Variants in NEFM observed in about 807,000 individuals in gnomAD.
NEFM encodes the protein neurofilament medium chain.
A neutral mutation model predicts 48.1 loss-of-function variants in NEFM; 16 were observed. The ratio of observed to expected loss-of-function variants is 0.33; its 90% CI spans 0.23 to 0.51. NEFM has a LOEUF of 0.51. NEFM is among the 20% of genes least tolerant of loss of function. The probability of loss-of-function intolerance (pLI) is 0.98; values close to 1 mark genes in which losing one functional copy is unlikely to be tolerated. For synonymous variants in NEFM, 465 were observed against 456.9 expected (o/e 1.02, Z -0.23); for missense variants, 1,107 against 1,136.0 (o/e 0.97, Z 0.37).
chr8:24,915,246 A>C, intron 1 of NEFM: 1 of 1,270,012 alleles, frequency 7.9e-7, no homozygotes, highest in Non-Finnish European at 1.0e-6. Context: ...CAGTGATCGG[A>C]AGAGCTCTCA....
intron 1 of NEFM, chr8:24,915,335 G>T: frequency 7.8e-7 from 1 of 1,279,474 alleles, no homozygotes; most frequent in Non-Finnish European, 1.0e-6. Context: ...TTTGTGTCCT[G>T]TTGAGACGTG....
rs751327005 is a variant in NEFM, at chr8:24,914,337, A to T, written c.544A>T (p.Ile182Phe). 2.2e-5 allele frequency: 36 copies of T among 1,613,544 alleles called. No individual in the cohort carries two copies. The highest frequency in any genetic ancestry group is 5.1e-6 in the Non-Finnish European group (6 of 1,179,966). The change falls in exon 1 of 3, where the codon ATC becomes TTC. Residue 182 changes from isoleucine to phenylalanine, a missense_variant. Physicochemically the swap from Ile to Phe is conservative, Grantham distance 21. Transcript: ENST00000221166. ...QLDSDHLEED[I>F]HRLKERFEEE... Reference sequence around the variant, plus strand: ...GGACTCGGACCACCTGGAGGAAGACATCCACCGGCTCAAGGAGCGCTTTGA... The same window carrying T: ...GGACTCGGACCACCTGGAGGAAGACTTCCACCGGCTCAAGGAGCGCTTTGA...
Position 24,918,178 on chromosome 8 carries a change from G to A in NEFM, c.2323G>A (p.Glu775Lys). The change falls in exon 3 of 3, where the codon GAG becomes AAG. Residue 775 changes from glutamate (E) to lysine (K), a missense_variant. By Grantham distance (56) the Glu-to-Lys change is moderately conservative. Coordinates refer to ENST00000221166, the MANE Select transcript of NEFM (RefSeq NM_005382.2). ...GKPLQQEKEK[E>K]KAGGEGGSEE... ...GCCACTGCAGCAGGAGAAAGAGAAG[G>A]AGAAAGCGGGAGGAGAGGGAGGAAG... 2 of 1,552,070 alleles carry A rather than the reference G, an allele frequency of 1.3e-6. No homozygotes were observed. Among genetic ancestry groups the A allele is most frequent in the Non-Finnish European group, 8.7e-7 (1 of 1,147,292 alleles).
intron 1 of NEFM, 43 bp downstream of exon 1, chr8:24,914,916 G>A (rs1370561553): frequency 1.9e-6 from 3 of 1,541,368 alleles, no homozygotes; most frequent in Non-Finnish European, 2.6e-6. Context: ...CAGCGCCAGC[G>A]CCGCGCGCCC....
rs1394486997 is a variant in NEFM at position 24,918,941 on chromosome 8, T to TA, written c.*336dup. ...ACAGAACTCAGCCTTAAGAAAGCTA[T>TA]ATATGAATAATTATGTTTACCTCAC... is the stretch of plus-strand genomic sequence containing the variant. On this transcript the variant is annotated 3_prime_UTR_variant, in exon 3 of 3. Transcript: ENST00000221166. The TA allele has an allele frequency of 9.1e-6, 3 of 330,004 alleles. No individual in the cohort carries two copies. The highest frequency in any genetic ancestry group is 2.1e-5 in the African/African-American group (1 of 47,180). The allele number at this position is 330,004 out of a possible 1,614,324, so 20.4% of individuals were successfully genotyped here. A position where few individuals can be genotyped will look rare whatever the true frequency, so the allele number is the denominator to read the frequency against.
rs762275204 is a variant in NEFM, at chr8:24,914,105, G to T, written c.312G>T (p.Gln104His). The T allele has an allele frequency of 2.5e-6, 4 of 1,613,006 alleles. No homozygotes were observed. The highest frequency in any genetic ancestry group is 3.4e-6 in the Non-Finnish European group (4 of 1,179,976). Residue 104 changes from glutamine (Q) to histidine (H), a missense_variant, in exon 1 of 3, where the codon CAG (glutamine) becomes CAT (histidine). Gln to His is a conservative substitution (Grantham distance 24). Coordinates refer to ENST00000221166, the MANE Select transcript of NEFM (RefSeq NM_005382.2). ...TGTCCCGCTCCAACGAGAAGGAGCA[G>T]CTGCAGGGGCTGAACGACCGCTTTG... ...YKLSRSNEKEQLQGLNDRFAG... is the reference protein window; with the variant it reads ...YKLSRSNEKEHLQGLNDRFAG...
intron 1 of NEFM, 28 bp downstream of exon 1, chr8:24,914,901 T>C: frequency 6.4e-7 from 1 of 1,559,412 alleles, no homozygotes; most frequent in Non-Finnish European, 8.6e-7. Context: ...GCGGCCAGCC[T>C]GCGCCAGCGC....
rs757112910 is a variant in NEFM at position 24,917,217 on chromosome 8, G to A, written c.1362G>A (p.Glu454=). Residue 454 remains glutamate, a synonymous_variant, in exon 3 of 3, where the codon GAG becomes GAA. Transcript: ENST00000221166. ...TTAAGGTCCAACACAAATTTGTCGA[G>A]GAGATCATAGAGGAAACCAAAGTGG... ...PKLKVQHKFV[E]EIIEETKVED... The A allele has an allele frequency of 4.3e-6, 7 of 1,614,110 alleles. No individual in the cohort carries two copies. Among genetic ancestry groups the A allele is most frequent in the Non-Finnish European group, 5.9e-6 (7 of 1,180,040 alleles).
Position 24,917,646 on chromosome 8 carries a change from C to T in NEFM, c.1791C>T (p.Thr597=). 1 of 1,613,198 alleles carries T rather than the reference C, an allele frequency of 6.2e-7. No individual in the cohort carries two copies. The highest frequency in any genetic ancestry group is 8.5e-7 in the Non-Finnish European group (1 of 1,179,988). Residue 597 remains threonine (T), a synonymous_variant, in exon 3 of 3, where the codon ACC becomes ACT. Transcript: ENST00000221166. ...KVEEKSEEVA[T]KEELVADAKV... Reference sequence around the variant, plus strand: ...AGGAAAAGAGTGAGGAAGTGGCTACCAAGGAGGAGCTGGTGGCAGATGCCA... The same window carrying T: ...AGGAAAAGAGTGAGGAAGTGGCTACTAAGGAGGAGCTGGTGGCAGATGCCA...
In NEFM at chr8:24,913,890, A is replaced by C; in HGVS notation, c.97A>C (p.Ser33Arg). 6.2e-7 allele frequency: 1 copy of C among 1,610,424 alleles called. No individual in the cohort carries two copies. The highest frequency in any genetic ancestry group is 1.1e-5 in the South Asian group (1 of 90,874). Residue 33 changes from serine to arginine, a missense_variant, in exon 1 of 3, where the codon AGT becomes CGT. By Grantham distance (110) the Ser-to-Arg change is moderately radical. Transcript: ENST00000221166. ...SFSRVSGSPS[S>R]GFRSQSWSRG... ...CAGCCGCGTCAGCGGCTCCCCGTCC[A>C]GTGGCTTCCGCTCGCAGTCGTGGTC...
chr8:24,913,818 G>T lies in NEFM; in HGVS notation c.25G>T (p.Gly9Cys), dbSNP rs2117218706. ...GATGAGCTACACGTTGGACTCGCTG[G>T]GCAACCCGTCCGCCTACCGGCGGGT... MSYTLDSL[G>C]NPSAYRRVTE... Residue 9 changes from glycine (G) to cysteine (C), a missense_variant, in exon 1 of 3, where the codon GGC becomes TGC. Gly to Cys is a radical substitution (Grantham distance 159). Around this residue, in one of 3 missense-constraint regions of NEFM, gnomAD observed 186 missense variants for 200.6 expected, o/e 0.93. Coordinates refer to ENST00000221166, the MANE Select transcript of NEFM (RefSeq NM_005382.2). 1 of 1,610,404 alleles carries T rather than the reference G, an allele frequency of 6.2e-7. No homozygotes were observed. Among genetic ancestry groups the T allele is most frequent in the Non-Finnish European group, 8.5e-7 (1 of 1,179,030 alleles).
rs76784194 is a variant in NEFM at position 24,914,420 on chromosome 8, C to T, written c.627C>T (p.Asp209=). The part of the protein sequence containing the change: ...TEAAIRALRK[D]IEEASLVKVE... Reference sequence around the variant, plus strand: ...CGGCCATCCGCGCGCTGCGCAAAGACATCGAGGAGGCGTCGCTGGTCAAGG... The same window carrying T: ...CGGCCATCCGCGCGCTGCGCAAAGATATCGAGGAGGCGTCGCTGGTCAAGG... The change falls in exon 1 of 3, where the codon GAC becomes GAT. Residue 209 remains aspartate, a synonymous_variant. Coordinates refer to ENST00000221166, the MANE Select transcript of NEFM (RefSeq NM_005382.2). 451 of 1,613,640 alleles carry T rather than the reference C, an allele frequency of 2.8e-4. 2 individuals are homozygous for T. In the African/African-American group the frequency reaches 5.2e-3, roughly 19 times the overall value.
In NEFM at chr8:24,914,510, G is replaced by A. The variant is rs772617896; in HGVS notation, c.717G>A (p.Glu239=). 6.6e-5 allele frequency: 107 copies of A among 1,614,000 alleles called. No homozygotes were observed. The highest frequency in any genetic ancestry group is 8.4e-5 in the Non-Finnish European group (99 of 1,180,052). ...TGGCCTTCCTGCGGAGCAACCACGA[G>A]GAGGAGGTGGCCGACCTTCTGGCCC... ...DEVAFLRSNH[E]EEVADLLAQI... is the part of the protein sequence containing the mutation. Residue 239 remains glutamate, a synonymous_variant, in exon 1 of 3, where the codon GAG becomes GAA. Transcript: ENST00000221166.
At position 24,917,525 on chromosome 8, in the gene NEFM, G is replaced by A; in HGVS notation, c.1670G>A (p.Gly557Asp). Residue 557 changes from glycine to aspartate, a missense_variant, in exon 3 of 3, where the codon GGC (glycine) becomes GAC (aspartate). Transcript: ENST00000221166. Reference sequence around the variant, plus strand: ...GAAGAGGGAGGATCCGAGAAGGAAGGCTCTAGTGAAAAAGAGGAAGGTGAG... The same window carrying A: ...GAAGAGGGAGGATCCGAGAAGGAAGACTCTAGTGAAAAAGAGGAAGGTGAG... ...QAEEGGSEKEGSSEKEEGEQE... is the reference protein window; with the variant it reads ...QAEEGGSEKEDSSEKEEGEQE... 1.3e-6 allele frequency: 2 copies of A among 1,557,420 alleles called. No homozygotes were observed. Among genetic ancestry groups the A allele is most frequent in the Admixed American group, 3.9e-5 (2 of 51,270 alleles).
chr8:24,917,496 A>G lies in NEFM; in HGVS notation c.1641A>G (p.Gln547=), dbSNP rs764555783. Residue 547 remains glutamine (Q), a synonymous_variant, in exon 3 of 3, where the codon CAA becomes CAG. Transcript: ENST00000221166. ...AAGATGAGGGAGCTAAGTCAGACCA[A>G]GCCGAAGAGGGAGGATCCGAGAAGG... ...EEEDEGAKSD[Q]AEEGGSEKEG... 1.3e-6 allele frequency: 2 copies of G among 1,554,796 alleles called. No individual in the cohort carries two copies. The highest frequency in any genetic ancestry group is 1.7e-6 in the Non-Finnish European group (2 of 1,148,724).
chr8:24,915,324 G>A, intron 1 of NEFM: 1 of 1,300,846 alleles, frequency 7.7e-7, no homozygotes, highest in Non-Finnish European at 9.9e-7. Flanking sequence ...CCCCATGCAT[G>A]TTTGTGTCCT....
rs762805242 is a variant in NEFM at position 24,917,307 on chromosome 8, G to T, written c.1452G>T (p.Met484Ile). The change falls in exon 3 of 3, where the codon ATG (methionine) becomes ATT (isoleucine). Residue 484 changes from methionine to isoleucine, a missense_variant. Coordinates refer to ENST00000221166, the MANE Select transcript of NEFM (RefSeq NM_005382.2). ...TAITEELAVSMKEEKKEAAEE... is the reference protein window; with the variant it reads ...TAITEELAVSIKEEKKEAAEE... ...TTACAGAGGAATTGGCCGTTTCCATGAAGGAAGAGAAGAAAGAAGCAGCAG... is the reference window on the plus strand; with the variant it reads ...TTACAGAGGAATTGGCCGTTTCCATTAAGGAAGAGAAGAAAGAAGCAGCAG... The T allele has an allele frequency of 1.2e-6, 2 of 1,613,868 alleles. No homozygotes were observed. The highest frequency in any genetic ancestry group is 1.3e-5 in the African/African-American group (1 of 74,858).
At chr8:24,915,933 A>T (rs1802567018) in intron 2 of NEFM, among the ~76,000 whole-genome samples, 1 of 152,244 alleles carries the variant, frequency 6.6e-6, no homozygotes, top group Non-Finnish European at 1.5e-5. Context: ...AAGAATGAAT[A>T]CTAGTAGAAA....
chr8:24,915,315 C>A (rs1586107381), intron 1 of NEFM: 1 of 1,301,678 alleles, frequency 7.7e-7, no homozygotes, highest in East Asian at 3.4e-5. Context: ...ATGGAGTTTC[C>A]CCATGCATGT....
Sources: gnomAD v4.1 joint callset for allele counts (sites outside exome capture counted in the v4.1 genomes callset) on GRCh38, gnomAD v4.1.1 for gene constraint, gnomAD v4.1.1 regional missense constraint, MANE v1.5 for transcripts, NCBI Gene and HGNC (gene_info 2026-07-23, HGNC 2026-07-21) for gene names.